AK9: variants seen among roughly 807,000 people sequenced by gnomAD.
AK9 encodes adenylate kinase domain containing 1.
AK9 carries 191 observed loss-of-function variants against 239.6 expected under a neutral mutation model. That is an observed-to-expected ratio of 0.80 (90% CI 0.71 to 0.90). The LOEUF (loss-of-function observed/expected upper bound fraction) is 0.90. Ranked by LOEUF, AK9 falls within the 40% of genes least tolerant of loss-of-function variation. AK9 has a pLI of 0.00. For synonymous variants in AK9, 689 were observed against 721.0 expected (o/e 0.96, Z 0.71); for missense variants, 1,995 against 2,214.7 (o/e 0.90, Z 1.99).
At chr6:109,613,342 C>T (rs527252442) in intron 15 of AK9, among the ~76,000 whole-genome samples, 106 of 151,420 alleles carry the variant, frequency 7.0e-4, no homozygotes, top group Non-Finnish European at 1.4e-3. Flanking sequence ...TTTAGAAAAA[C>T]GGGCAAAAGA....
chr6:109,613,599 T>A (rs923729329), intron 15 of AK9, among the ~76,000 whole-genome samples: 2 of 151,908 alleles, frequency 1.3e-5, no homozygotes, highest in Admixed American at 6.6e-5. Context: ...GTGCAGTAAC[T>A]TATAATGAGG....
chr6:109,662,445 A>C (rs1800557309), intron 6 of AK9, 106 bp downstream of exon 6: 2 of 948,868 alleles, frequency 2.1e-6, no homozygotes, highest in Non-Finnish European at 2.8e-6. Flanking sequence ...TTGATGCATA[A>C]GTTATTATCT....
intron 12 of AK9, among the ~76,000 whole-genome samples, chr6:109,621,061 C>A (rs527588316): frequency 4.5e-4 from 68 of 150,126 alleles, no homozygotes; most frequent in African/African-American, 1.6e-3. Context: ...AACAAACAAC[C>A]CCATCAAAAA....
intron 17 of AK9, among the ~76,000 whole-genome samples, chr6:109,596,661 T>A (rs1466015930): frequency 6.6e-6 from 1 of 152,164 alleles, no homozygotes. Context: ...TGCAATGAAA[T>A]CTGTGAACAG....
chr6:109,660,355 C>T (rs1800262843), intron 6 of AK9, among the ~76,000 whole-genome samples: 2 of 152,140 alleles, frequency 1.3e-5, no homozygotes, highest in Admixed American at 1.3e-4. Context: ...TGCAGCTCCT[C>T]TTGTCATTTA....
intron 18 of AK9, 125 bp downstream of exon 18, chr6:109,585,791 C>A: frequency 1.1e-6 from 1 of 893,932 alleles, no homozygotes; most frequent in Non-Finnish European, 1.6e-6. Flanking sequence ...CCTCTAGTTC[C>A]TGCAGGGATT....
At chr6:109,508,313 G>A (rs545259387) in intron 33 of AK9, among the ~76,000 whole-genome samples, 1 of 152,108 alleles carries the variant, frequency 6.6e-6, no homozygotes, top group Non-Finnish European at 1.5e-5. Context: ...GGAAATTCAG[G>A]GTGAATGAGC....
chr6:109,597,192 T>C lies in AK9; in HGVS notation c.1843-11120A>G, dbSNP rs192095041. Among the ~76,000 whole-genome samples, 391 of 152,276 alleles carry C rather than the reference T, an allele frequency of 2.6e-3. 6 individuals are homozygous for C. Among genetic ancestry groups the C allele is most frequent in the Non-Finnish European group, 8.4e-4 (57 of 68,026 alleles). ...AAAGAGTAAACATTTTAAAGTCTTTTCATACACATTGCCACATTGCTGCCA... is the reference window on the plus strand; with the variant it reads ...AAAGAGTAAACATTTTAAAGTCTTTCCATACACATTGCCACATTGCTGCCA... On this transcript the variant is annotated intron_variant, in intron 17 of 40. Transcript: ENST00000424296.
intron 22 of AK9, 107 bp downstream of exon 22, chr6:109,564,649 G>A (rs911351364): frequency 3.8e-6 from 3 of 784,120 alleles, no homozygotes; most frequent in Non-Finnish European, 5.8e-6. Context: ...ATACAACATA[G>A]AAAGAAATAA....
chr6:109,632,382 G>A (rs551298187), intron 12 of AK9: 2 of 915,680 alleles, frequency 2.2e-6, no homozygotes, highest in South Asian at 1.0e-4. Context: ...AAATCTTTCA[G>A]CTTTGTCTTC....
chr6:109,541,480 G>A (rs1023675862), intron 27 of AK9, among the ~76,000 whole-genome samples: 2 of 152,018 alleles, frequency 1.3e-5, no homozygotes, highest in African/African-American at 2.4e-5. Context: ...GCACTGTCTC[G>A]GCTCACTGCA....
chr6:109,580,244 A>C (rs1562442716), intron 19 of AK9, among the ~76,000 whole-genome samples: 1 of 152,156 alleles, frequency 6.6e-6, no homozygotes, highest in Non-Finnish European at 1.5e-5. Context: ...GAGACCTGGA[A>C]TATGGAGACT....
chr6:109,667,007 G>A (rs1365407840), intron 5 of AK9, among the ~76,000 whole-genome samples: 9 of 152,224 alleles, frequency 5.9e-5, no homozygotes, highest in South Asian at 2.1e-4. Flanking sequence ...CTTTTAGGAT[G>A]CCACATATTG....
intron 20 of AK9, among the ~76,000 whole-genome samples, chr6:109,577,319 T>C (rs2357125): frequency 0.58 from 88,520 of 152,048 alleles, 27,467 homozygotes; most frequent in East Asian, 0.84. Context: ...TAAACCATCC[T>C]TCCATCCCTG....
Position 109,643,055 on chromosome 6 carries a change from C to T in AK9, c.835-1439G>A, listed in dbSNP as rs575979690. On this transcript the variant is annotated intron_variant, in intron 9 of 40. Transcript: ENST00000424296. ...GGGGTCCTGCAACACTGCAGGTTAG[C>T]GAATTAGAGTGTGAAGTGAGGTGTA... Among the ~76,000 whole-genome samples, 46 of 152,090 alleles carry T rather than the reference C, an allele frequency of 3.0e-4. 1 individual carries two copies. The highest frequency in any genetic ancestry group is 2.1e-3 in the South Asian group (10 of 4,812).
intron 13 of AK9, among the ~76,000 whole-genome samples, chr6:109,614,770 T>A (rs1468205915): frequency 6.6e-6 from 1 of 152,206 alleles, no homozygotes; most frequent in Non-Finnish European, 1.5e-5. Flanking sequence ...CCATGTTAGC[T>A]GCCATCCTCT....
intron 1 of AK9, among the ~76,000 whole-genome samples, chr6:109,686,366 T>TA (rs1378812634): frequency 6.6e-6 from 1 of 152,206 alleles, no homozygotes; most frequent in Non-Finnish European, 1.5e-5. Flanking sequence ...AAAGGATGAG[T>TA]TACTGTACCT....
At chr6:109,632,866 GAT>G in intron 12 of AK9, 55 bp downstream of exon 12, 2 of 1,322,492 alleles carry the variant, frequency 1.5e-6, no homozygotes, top group Non-Finnish European at 2.0e-6. Flanking sequence ...GATAGACATA[GAT>G]AGATAGATAG....
intron 25 of AK9, among the ~76,000 whole-genome samples, chr6:109,547,410 C>T (rs184538306): frequency 1.7e-3 from 262 of 152,302 alleles, no homozygotes; most frequent in African/African-American, 6.2e-3. Context: ...TTATAGCCAA[C>T]TCATTTTCTA....
Sources: allele counts gnomAD v4.1 joint callset (sites outside exome capture counted in the v4.1 genomes callset), GRCh38; gene constraint gnomAD v4.1.1; transcripts MANE v1.5; gene names NCBI Gene and HGNC (gene_info 2026-07-23, HGNC 2026-07-21).